Variants in GNL3L observed in about 807,000 individuals in gnomAD.
The protein encoded by GNL3L is G protein nucleolar 3 like.
In GNL3L, 4 loss-of-function variants were observed where a neutral mutation model predicts 42.9. The ratio of observed to expected loss-of-function variants is 0.09; its 90% CI spans 0.05 to 0.21. The LOEUF (loss-of-function observed/expected upper bound fraction) is 0.21, where lower values mean the gene tolerates loss of function less well. Ranked by LOEUF, GNL3L falls within the 10% of genes least tolerant of loss-of-function variation. The probability of loss-of-function intolerance (pLI) is 1.00; values close to 1 mark genes in which losing one functional copy is unlikely to be tolerated. For missense variants in GNL3L, 412 were observed against 481.7 expected (o/e 0.86, Z 1.36); for synonymous variants, 159 against 176.3 (o/e 0.90, Z 0.78).
chrX:54,634,966 A>G, the GNL3L span, among the ~76,000 whole-genome samples: 1 of 106,961 alleles, frequency 9.3e-6, no homozygotes, highest in African/African-American at 3.4e-5. Flanking sequence ...TAATTTTTGT[A>G]TTTTTAGTAG....
intron 3 of GNL3L, among the ~76,000 whole-genome samples, chrX:54,539,380 G>A (rs992665279): frequency 9.0e-6 from 1 of 111,420 alleles, no homozygotes; most frequent in Non-Finnish European, 1.9e-5. Context: ...CTAGGTTCAA[G>A]GTAACGCAAC....
rs1924204800 is a variant in GNL3L at position 54,530,285 on chromosome X, C to T, written c.-182C>T. 1 of 108,932 alleles carries T rather than the reference C, an allele frequency of 9.2e-6. No individual in the cohort carries two copies. The highest frequency in any genetic ancestry group is 1.9e-5 in the Non-Finnish European group (1 of 52,304). The allele number at this position is 108,932 out of a possible 1,213,427, so 9.0% of individuals were successfully genotyped here. The stretch of plus-strand genomic sequence containing the variant: ...GAGTTGTCGTGTTGCCCTCGCTTCT[C>T]AGATCCCCGCCGGAAGTGTAAGTAA... On this transcript the variant is annotated 5_prime_UTR_variant, in exon 1 of 16. Transcript: ENST00000360845.
chrX:54,585,717 T>C (rs1334495148), intron 16 of GNL3L, among the ~76,000 whole-genome samples: 3 of 112,100 alleles, frequency 2.7e-5, no homozygotes, highest in African/African-American at 9.7e-5. Flanking sequence ...ATTGTTTCTA[T>C]TGTTTTTCTA....
At chrX:54,615,999 C>T (rs1339660117) in intron 16 of GNL3L, among the ~76,000 whole-genome samples, 3 of 113,108 alleles carry the variant, frequency 2.7e-5, no homozygotes, top group Non-Finnish European at 3.7e-5. Flanking sequence ...AGCTGTTTCA[C>T]GGATGTCATC....
At chrX:54,616,535 C>G (rs1926221954) in intron 16 of GNL3L, among the ~76,000 whole-genome samples, 1 of 112,049 alleles carries the variant, frequency 8.9e-6, no homozygotes, top group Non-Finnish European at 1.9e-5. Flanking sequence ...AGTCTTTTGG[C>G]AAAATTATTT....
At chrX:54,600,207 T>C (rs1231146775) in intron 16 of GNL3L, among the ~76,000 whole-genome samples, 3 of 33,158 alleles carry the variant, frequency 9.0e-5, no homozygotes, top group Admixed American at 3.3e-4. Context: ...AATCTGCTGC[T>C]TTTTTTTTTT....
At chrX:54,552,109 C>A in intron 12 of GNL3L, 135 bp downstream of exon 12, 2 of 832,154 alleles carry the variant, frequency 2.4e-6, no homozygotes, top group South Asian at 2.5e-5. Context: ...GGTGCCAGGT[C>A]ATGTCCTGCT....
intron 16 of GNL3L, among the ~76,000 whole-genome samples, chrX:54,591,652 T>C (rs1196921340): frequency 9.1e-6 from 1 of 110,214 alleles, no homozygotes; most frequent in Non-Finnish European, 1.9e-5. Flanking sequence ...CTGAGTTCTC[T>C]ACTCTGTTCC....
chrX:54,557,600 A>G, intron 14 of GNL3L, among the ~76,000 whole-genome samples: 1 of 108,323 alleles, frequency 9.2e-6, no homozygotes, highest in Admixed American at 9.9e-5. Flanking sequence ...ATGCCTGGCT[A>G]ATTTTTGTAT....
chrX:54,558,035 C>T (rs1187536010), intron 14 of GNL3L, among the ~76,000 whole-genome samples: 2 of 110,723 alleles, frequency 1.8e-5, no homozygotes, highest in Non-Finnish European at 3.8e-5. Flanking sequence ...AGGCGTGTGC[C>T]ACCATTCCCA....
At chrX:54,574,425 G>A (rs1015094148) in intron 16 of GNL3L, among the ~76,000 whole-genome samples, 6 of 112,003 alleles carry the variant, frequency 5.4e-5, no homozygotes, top group South Asian at 3.7e-4. Flanking sequence ...CCAATATAGC[G>A]TATTGCATTA....
downstream of GNL3L, among the ~76,000 whole-genome samples, chrX:54,568,601 T>A (rs1469688638): frequency 1.8e-5 from 2 of 109,125 alleles, no homozygotes; most frequent in Non-Finnish European, 1.9e-5. Context: ...TCGCCCAGGC[T>A]GTTGTGCAGT....
downstream of GNL3L, among the ~76,000 whole-genome samples, chrX:54,568,801 C>T (rs189003060): frequency 8.9e-5 from 10 of 112,309 alleles, no homozygotes; most frequent in Admixed American, 2.8e-4. Context: ...GATCCATCTG[C>T]CTGGGCCTCC....
intron 16 of GNL3L, among the ~76,000 whole-genome samples, chrX:54,591,548 ACACCACTG>A (rs1189197295): frequency 9.3e-6 from 1 of 107,065 alleles, no homozygotes; most frequent in Non-Finnish European, 1.9e-5. Context: ...AGCCCAGATC[ACACCACTG>A]CACTCCAGCC....
At chrX:54,551,774 C>T in intron 11 of GNL3L, 32 bp downstream of exon 11, 3 of 1,208,795 alleles carry the variant, frequency 2.5e-6, no homozygotes, top group Non-Finnish European at 3.4e-6. Context: ...GATGCCCTGC[C>T]CTACTCTAAG....
At chrX:54,552,068 C>T (rs1924959196) in intron 12 of GNL3L, 94 bp downstream of exon 12, 1 of 1,026,260 alleles carries the variant, frequency 9.7e-7, no homozygotes, top group Non-Finnish European at 1.3e-6. Flanking sequence ...GGCAGCTTGA[C>T]TTCCTGGGTC....
rs189240081 is a variant in GNL3L, at chrX:54,612,848, G to A, written c.*46-7997G>A. On this transcript the variant is annotated intron_variant, in intron 16 of 16. Transcript: ENST00000674498. ...ATAGGTTACCTGGTGCTTTTGTCTC[G>A]CAGCTCTTAAAATTCTTTCTTTCGT... Among the ~76,000 whole-genome samples the A allele has an allele frequency of 2.8e-3, 315 of 111,425 alleles. 1 individual carries two copies. The highest frequency in any genetic ancestry group is 9.7e-3 in the African/African-American group (297 of 30,719).
chrX:54,534,614 G>C (rs912816056), intron 2 of GNL3L, among the ~76,000 whole-genome samples: 1 of 111,476 alleles, frequency 9.0e-6, no homozygotes, highest in Non-Finnish European at 1.9e-5. Context: ...ATGCATTGAG[G>C]CTCAGAGAGG....
intron 16 of GNL3L, among the ~76,000 whole-genome samples, chrX:54,600,078 T>C (rs1925984029): frequency 1.8e-5 from 2 of 109,774 alleles, no homozygotes; most frequent in African/African-American, 6.6e-5. Context: ...GGTGTTAGCA[T>C]CTAATGGTTG....
Sources: allele counts gnomAD v4.1 joint callset (sites outside exome capture counted in the v4.1 genomes callset), GRCh38; gene constraint gnomAD v4.1.1; transcripts MANE v1.5; gene names NCBI Gene and HGNC (gene_info 2026-07-23, HGNC 2026-07-21).